PPP6R1: variants seen among roughly 807,000 people sequenced by gnomAD.
The protein encoded by PPP6R1 is serine/threonine-protein phosphatase 6 regulatory subunit 1.
In PPP6R1, 39 loss-of-function variants were observed where a neutral mutation model predicts 104.6. That is an observed-to-expected ratio of 0.37 (90% CI 0.29 to 0.49). The LOEUF (loss-of-function observed/expected upper bound fraction) is 0.49, where lower values mean the gene tolerates loss of function less well. Among genes scored for constraint, PPP6R1 ranks in the 20% least tolerant of loss-of-function variants. PPP6R1 has a pLI of 0.98. For synonymous variants in PPP6R1, 549 were observed against 479.0 expected, an observed-to-expected ratio of 1.15 and a Z score of -1.91; for missense variants, 1,181 against 1,155.8, an observed-to-expected ratio of 1.02 and a Z score of -0.32.
intron 17 of PPP6R1, among the ~76,000 whole-genome samples, chr19:55,235,480 C>T (rs1397522981): frequency 6.6e-6 from 1 of 151,996 alleles, no homozygotes; most frequent in African/African-American, 2.4e-5. Flanking sequence ...CAGAGATTAT[C>T]CCTTTCTTTT....
rs957367545 is a variant in PPP6R1, at chr19:55,236,934, G to C, written c.1788C>G (p.Ser596=). ...TCACGTTCTCATCGTCAGCATTGAG[G>C]GAGAAGGTGATGTTGGCTGTCTTGT... The part of the protein sequence containing the change: ...PFDKTANITF[S]LNADDENPNA... The change falls in exon 16 of 24, where the codon TCC becomes TCG. Residue 596 remains serine (S), a synonymous_variant. Transcript: ENST00000412770. The C allele has an allele frequency of 1.9e-6, 3 of 1,613,432 alleles. No individual in the cohort carries two copies. Among genetic ancestry groups the C allele is most frequent in the Admixed American group, 1.7e-5 (1 of 60,020 alleles).
At position 55,240,357 on chromosome 19, in the gene PPP6R1, C is replaced by G. The variant is rs986342422; in HGVS notation, c.1297-57G>C. On this transcript the variant is annotated intron_variant, in intron 10 of 23. Transcript: ENST00000412770. ...GGGTGGTCTGCACACATGTGGGGAG[C>G]TCTGCACTGCAGCAGGGGTCCCTTC... 2.7e-6 allele frequency: 4 copies of G among 1,505,978 alleles called. No homozygotes were observed. In the African/African-American group the frequency reaches 5.5e-5, roughly 21 times the overall value. 93.3% of individuals were successfully genotyped at this position (1,505,978 alleles called of 1,614,324 possible).
chr19:55,228,650 CCT>C, downstream of PPP6R1: 1 of 1,596,268 alleles, frequency 6.3e-7, no homozygotes, highest in South Asian at 1.1e-5. Context: ...GTTCCAGGGC[CCT>C]GTCCCCCCAG....
intron 5 of PPP6R1, among the ~76,000 whole-genome samples, chr19:55,244,392 C>A (rs1297264874): frequency 1.3e-5 from 2 of 152,196 alleles, no homozygotes; most frequent in Non-Finnish European, 2.9e-5. Flanking sequence ...ATGGGGTCCC[C>A]CAGAGCTAAA....
At chr19:55,251,362 A>C (rs2087551949) in intron 1 of PPP6R1, among the ~76,000 whole-genome samples, 1 of 151,932 alleles carries the variant, frequency 6.6e-6, no homozygotes, top group Non-Finnish European at 1.5e-5. Flanking sequence ...AGCAAACCTC[A>C]TTTTCACAAG....
At chr19:55,237,429 C>T (rs2087409628) in intron 15 of PPP6R1, among the ~76,000 whole-genome samples, 2 of 152,128 alleles carry the variant, frequency 1.3e-5, no homozygotes, top group Admixed American at 6.6e-5. Context: ...GTCTACGGTC[C>T]GCGGCTGAAA....
chr19:55,257,078 TAAAA>T (rs35336959), intron 1 of PPP6R1, among the ~76,000 whole-genome samples: 1 of 94,272 alleles, frequency 1.1e-5, no homozygotes, highest in African/African-American at 4.0e-5. Context: ...GAACTAGAGT[TAAAA>T]AAAAAAAAAA....
rs990790160 is a variant in PPP6R1 at position 55,236,671 on chromosome 19, C to A, written c.1960G>T (p.Ala654Ser). Residue 654 changes from alanine to serine, a missense_variant, in exon 17 of 24, where the codon GCC becomes TCC. By Grantham distance (99) the Ala-to-Ser change is moderately conservative. Coordinates refer to ENST00000412770, the MANE Select transcript of PPP6R1 (RefSeq NM_014931.4). ...ACACCAGGTGGCTGGCCCAGACGGG[C>A]CCCCCTGGCCAGCTGGCTGCCCTGC... ...AWQGSQLARG[A>S]RLGQPPGVRS... 6.3e-6 allele frequency: 10 copies of A among 1,587,990 alleles called. 1 individual carries two copies. Among genetic ancestry groups the A allele is most frequent in the Middle Eastern group, 3.5e-4 (2 of 5,678 alleles).
At chr19:55,231,267 C>T (rs1266402652) in intron 21 of PPP6R1, 143 bp downstream of exon 21, 7 of 1,033,652 alleles carry the variant, frequency 6.8e-6, no homozygotes, top group Non-Finnish European at 1.0e-5. Context: ...GTGCAAGGGG[C>T]TGGGGCACAA....
At chr19:55,244,336 G>C (rs2087486938) in intron 5 of PPP6R1, among the ~76,000 whole-genome samples, 1 of 152,242 alleles carries the variant, frequency 6.6e-6, no homozygotes, top group Admixed American at 6.5e-5. Flanking sequence ...CCCTGTGCTG[G>C]GCACCAGGAC....
rs753262997 is a variant in PPP6R1 at position 55,245,255 on chromosome 19, C to G, written c.552+10G>C. The G allele has an allele frequency of 9.4e-6, 15 of 1,596,384 alleles. No homozygotes were observed. Among genetic ancestry groups the G allele is most frequent in the Non-Finnish European group, 1.3e-5 (15 of 1,171,890 alleles). Reference sequence around the variant, plus strand: ...AGCCCCCCACCCCCAGAGGAGCCGGCCCTGCTCACATTGACAACATCCTGC... The same window carrying G: ...AGCCCCCCACCCCCAGAGGAGCCGGGCCTGCTCACATTGACAACATCCTGC... On this transcript the variant is annotated intron_variant, in intron 4 of 23. Coordinates refer to ENST00000412770, the MANE Select transcript of PPP6R1 (RefSeq NM_014931.4). The surrounding 1 kb of genome is among the most constrained non-coding windows in gnomAD (Gnocchi z 6.4).
chr19:55,245,703 G>C lies in PPP6R1; in HGVS notation c.228-25C>G, dbSNP rs1209452166. ...CCTGGGAGGCAAGCACAGGCGGGTG[G>C]GGGCTCGGGTCGGAGGCCGGGGGCA... On this transcript the variant is annotated intron_variant, in intron 2 of 23. Transcript: ENST00000412770. The surrounding 1 kb of genome is among the most constrained non-coding windows in gnomAD (Gnocchi z 6.4). The C allele has an allele frequency of 3.8e-6, 6 of 1,592,332 alleles. No individual in the cohort carries two copies. The highest frequency in any genetic ancestry group is 5.1e-6 in the Non-Finnish European group (6 of 1,172,534).
chr19:55,243,404 C>CA (rs58375899), intron 5 of PPP6R1, among the ~76,000 whole-genome samples: 2,206 of 48,378 alleles, frequency 0.046, 94 homozygotes, highest in African/African-American at 0.12. Context: ...GACTCCATCT[C>CA]AAAAAAAAAA....
chr19:55,247,902 G>A (rs1350611575), intron 1 of PPP6R1, among the ~76,000 whole-genome samples: 1 of 152,210 alleles, frequency 6.6e-6, no homozygotes, highest in Non-Finnish European at 1.5e-5. Context: ...GACAGATTCT[G>A]TGGGGGAAGA....
intron 1 of PPP6R1, 157 bp from the exon 2 acceptor site, chr19:55,247,266 T>G: frequency 1.4e-6 from 1 of 706,366 alleles, no homozygotes; most frequent in Non-Finnish European, 2.4e-6. Context: ...GCCCCGGGAC[T>G]GCCCGCAGGC....
chr19:55,232,202 G>T lies in PPP6R1; in HGVS notation c.1998C>A (p.Gly666=). 1 of 1,549,284 alleles carries T rather than the reference G, an allele frequency of 6.5e-7. No individual in the cohort carries two copies. ...CTTCTTCGTCCTCACTGTCTGTGCTGCCTCCACTCCTGCCCCAGAAACCAC... is the reference window on the plus strand; with the variant it reads ...CTTCTTCGTCCTCACTGTCTGTGCTTCCTCCACTCCTGCCCCAGAAACCAC... ...LGQPPGVRSG[G]STDSEDEEEE... The change falls in exon 18 of 24, where the codon GGC becomes GGA. Residue 666 remains glycine (G), a synonymous_variant. Transcript: ENST00000412770.
At chr19:55,248,632 A>C (rs2087529512) in intron 1 of PPP6R1, among the ~76,000 whole-genome samples, 1 of 152,170 alleles carries the variant, frequency 6.6e-6, no homozygotes, top group African/African-American at 2.4e-5. Flanking sequence ...CCCTCTGCAC[A>C]GGCCTCCACC....
chr19:55,246,928 G>A lies in PPP6R1; in HGVS notation c.176C>T (p.Ala59Val). 1 of 1,613,634 alleles carries A rather than the reference G, an allele frequency of 6.2e-7. No individual in the cohort carries two copies. Among genetic ancestry groups the A allele is most frequent in the Non-Finnish European group, 8.5e-7 (1 of 1,179,770 alleles). The change falls in exon 2 of 24, where the codon GCC becomes GTC. Residue 59 changes from alanine to valine, a missense_variant. Ala to Val is a moderately conservative substitution (Grantham distance 64). Transcript: ENST00000412770. ...ATCTGGCGGCTCCTGGGTGACCCAG[G>A]CCACCATTGCTTGCAGGTGGGGTGG... Reference protein sequence around the residue: ...LQPPHLQAMVAWVTQEPPDSG... With the variant: ...LQPPHLQAMVVWVTQEPPDSG...
rs376143716 is a variant in PPP6R1 at position 55,241,540 on chromosome 19, G to A, written c.945C>T (p.Gly315=). 2.0e-5 allele frequency: 31 copies of A among 1,579,368 alleles called. No individual in the cohort carries two copies. The highest frequency in any genetic ancestry group is 9.5e-5 in the African/African-American group (7 of 74,042). ...GCCGCGGGCGTAGGGCGTGCAAGGC[G>A]CCCACACTGGACACAGTGCTTTCCA... ...GALESTVSSV[G]ALHALRPRLS... The change falls in exon 8 of 24, where the codon GGC becomes GGT. Residue 315 remains glycine (G), a synonymous_variant. Coordinates refer to ENST00000412770, the MANE Select transcript of PPP6R1 (RefSeq NM_014931.4). This position sits in a 1 kb window ranked among gnomAD's most constrained non-coding sequence, Gnocchi z 5.4.
Sources: gnomAD v4.1 joint callset for allele counts (sites outside exome capture counted in the v4.1 genomes callset) on GRCh38, gnomAD v4.1.1 for gene constraint, Gnocchi (gnomAD v3.1) non-coding constraint, MANE v1.5 for transcripts, NCBI Gene and HGNC (gene_info 2026-07-23, HGNC 2026-07-21) for gene names.